Variants in SLC39A10 observed in about 807,000 individuals in gnomAD.
The protein encoded by SLC39A10 is solute carrier family 39 member 10.
In SLC39A10, 13 loss-of-function variants were observed where a neutral mutation model predicts 65.1. The observed-to-expected ratio is 0.20, with a 90% CI of 0.13 to 0.32. The LOEUF (loss-of-function observed/expected upper bound fraction) is 0.32. Ranked by LOEUF, SLC39A10 falls within the 10% of genes least tolerant of loss-of-function variation. The pLI is 1.00. For missense variants in SLC39A10, 831 were observed against 1,018.4 expected (o/e 0.82, Z 2.50); for synonymous variants, 321 against 342.2 (o/e 0.94, Z 0.68).
chr2:195,706,523 C>A, intron 3 of SLC39A10, 93 bp from the exon 4 acceptor site: 1 of 1,239,402 alleles, frequency 8.1e-7, no homozygotes, highest in Non-Finnish European at 1.1e-6. Context: ...AGTCTACCTT[C>A]TACGATTCAT....
intron 9 of SLC39A10, among the ~76,000 whole-genome samples, chr2:195,733,167 A>G (rs777783649): frequency 4.6e-5 from 7 of 152,176 alleles, no homozygotes; most frequent in Admixed American, 1.3e-4. Context: ...TGAATTAAGA[A>G]TTATGTGACT....
chr2:195,622,328 T>C (rs577284923), intron 2 of SLC39A10, among the ~76,000 whole-genome samples: 3 of 152,078 alleles, frequency 2.0e-5, no homozygotes, highest in Non-Finnish European at 2.9e-5. Flanking sequence ...ATCATGCCAC[T>C]GCACTCTAGC....
At position 195,737,172 on chromosome 2, in the gene SLC39A10, T is replaced by C. The variant is rs1692654759; in HGVS notation, c.*2131T>C. Reference sequence around the variant, plus strand: ...TTAAGAGGGCTGTAACAGTTGCTGCTAGTATTAGGGTTCCACATCATTCTA... The same window carrying C: ...TTAAGAGGGCTGTAACAGTTGCTGCCAGTATTAGGGTTCCACATCATTCTA... On this transcript the variant is annotated 3_prime_UTR_variant, in exon 10 of 10. Coordinates refer to ENST00000359634, the MANE Select transcript of SLC39A10 (RefSeq NM_020342.3). 6.6e-6 allele frequency: 1 copy of C among 152,390 alleles called. No individual in the cohort carries two copies. 9.4% of individuals were successfully genotyped at this position (152,390 alleles called of 1,614,324 possible).
chr2:195,641,498 G>A (rs1688810808), intron 2 of SLC39A10, among the ~76,000 whole-genome samples: 2 of 152,060 alleles, frequency 1.3e-5, no homozygotes, highest in African/African-American at 2.4e-5. Flanking sequence ...TTAGCCCAAT[G>A]TACTTAAAAT....
chr2:195,644,405 G>A lies in SLC39A10; in HGVS notation c.-11-35627G>A, dbSNP rs530828003. 2.5e-4 allele frequency among the ~76,000 whole-genome samples: 37 copies of A among 145,916 alleles called. No individual in the cohort carries two copies. The South Asian group carries it at 7.7e-3, about 30-fold the overall frequency. ...TGCCCAGGCTGGAGTGCAGTGGCAC[G>A]ATCTCGGCTCACTGCAACCTCTGCT... On this transcript the variant is annotated intron_variant, in intron 2 of 2. Coordinates refer to the SLC39A10 transcript ENST00000458054.
At chr2:195,638,685 CAG>C (rs1220655752) in intron 2 of SLC39A10, among the ~76,000 whole-genome samples, 2 of 152,106 alleles carry the variant, frequency 1.3e-5, no homozygotes, top group African/African-American at 4.8e-5. Flanking sequence ...AAAGATAGTA[CAG>C]AGAGTTTCTA....
At chr2:195,703,095 AACTT>A (rs1434584557) in intron 3 of SLC39A10, among the ~76,000 whole-genome samples, 2 of 152,154 alleles carry the variant, frequency 1.3e-5, no homozygotes, top group Non-Finnish European at 2.9e-5. Flanking sequence ...GCATTACCAA[AACTT>A]ACTTGATTAT....
At chr2:195,643,954 A>G (rs1325777354) in intron 2 of SLC39A10, among the ~76,000 whole-genome samples, 2 of 152,240 alleles carry the variant, frequency 1.3e-5, no homozygotes, top group Non-Finnish European at 2.9e-5. Flanking sequence ...CATTGTTAAC[A>G]CCACACATTG....
intron 3 of SLC39A10, 39 bp downstream of exon 3, chr2:195,683,945 C>G: frequency 7.4e-7 from 1 of 1,355,212 alleles, no homozygotes; most frequent in East Asian, 2.3e-5. Context: ...TAAAATAGTA[C>G]CTGTACTTAC....
chr2:195,638,879 C>T (rs184327990), intron 2 of SLC39A10, among the ~76,000 whole-genome samples: 4 of 151,862 alleles, frequency 2.6e-5, no homozygotes, highest in Admixed American at 2.0e-4. Flanking sequence ...TATATTTAGT[C>T]ATTATGAGTC....
chr2:195,684,689 C>T (rs915120023), intron 3 of SLC39A10, among the ~76,000 whole-genome samples: 4 of 151,982 alleles, frequency 2.6e-5, no homozygotes, highest in Non-Finnish European at 5.9e-5. Context: ...TCTTCAGTAT[C>T]TTCTAACTTC....
chr2:195,710,935 T>C (rs1691583103), intron 5 of SLC39A10, among the ~76,000 whole-genome samples: 1 of 152,054 alleles, frequency 6.6e-6, no homozygotes, highest in Non-Finnish European at 1.5e-5. Flanking sequence ...GTTGGCTAAG[T>C]AGATGACTGC....
intron 2 of SLC39A10, among the ~76,000 whole-genome samples, chr2:195,626,824 C>A (rs1688483812): frequency 6.6e-6 from 1 of 152,100 alleles, no homozygotes; most frequent in Non-Finnish European, 1.5e-5. Flanking sequence ...GAGCAAATTT[C>A]TCCAAAAGAC....
At chr2:195,711,512 G>A (rs981947903) in intron 5 of SLC39A10, among the ~76,000 whole-genome samples, 3 of 151,994 alleles carry the variant, frequency 2.0e-5, no homozygotes, top group Non-Finnish European at 4.4e-5. Flanking sequence ...AGGGAATCTG[G>A]CCAGATAAGT....
chr2:195,617,429 G>T (rs1342891146), intron 2 of SLC39A10, among the ~76,000 whole-genome samples: 1 of 152,002 alleles, frequency 6.6e-6, no homozygotes, highest in Non-Finnish European at 1.5e-5. Flanking sequence ...GGGTGTGGTG[G>T]CACGCACCTG....
intron 2 of SLC39A10, among the ~76,000 whole-genome samples, chr2:195,644,169 T>A (rs964127076): frequency 6.7e-6 from 1 of 149,978 alleles, no homozygotes; most frequent in African/African-American, 2.5e-5. Context: ...TTAATTTCCT[T>A]CCAAGAGGAT....
chr2:195,616,825 A>T (rs576777666), intron 2 of SLC39A10, among the ~76,000 whole-genome samples: 11 of 151,154 alleles, frequency 7.3e-5, no homozygotes, highest in South Asian at 2.1e-4. Flanking sequence ...GGATGGTCTC[A>T]ATCTCCTGAC....
intron 1 of SLC39A10, among the ~76,000 whole-genome samples, chr2:195,659,569 T>C (rs534939625): frequency 6.6e-6 from 1 of 152,318 alleles, no homozygotes; most frequent in South Asian, 2.1e-4. Flanking sequence ...ACCCAACCCT[T>C]CTACCCTCAG....
intron 2 of SLC39A10, among the ~76,000 whole-genome samples, chr2:195,649,693 T>C (rs1688992951): frequency 6.6e-6 from 1 of 152,248 alleles, no homozygotes; most frequent in African/African-American, 2.4e-5. Flanking sequence ...AAGTTTGCCA[T>C]ATTCATGTGG....
Sources: gnomAD v4.1 joint callset for allele counts (sites outside exome capture counted in the v4.1 genomes callset) on GRCh38, gnomAD v4.1.1 for gene constraint, MANE v1.5 for transcripts, NCBI Gene and HGNC (gene_info 2026-07-23, HGNC 2026-07-21) for gene names.